Variants in EBF1 observed in about 807,000 individuals in gnomAD.
EBF1 encodes transcription factor COE1.
In EBF1, 10 loss-of-function variants were observed where a neutral mutation model predicts 68.4. The observed-to-expected ratio is 0.15, with a 90% CI of 0.09 to 0.25. The LOEUF is 0.25. Ranked by LOEUF, EBF1 falls within the 10% of genes least tolerant of loss-of-function variation. The pLI, the probability that EBF1 is intolerant of heterozygous loss-of-function variation, is 1.00. For synonymous variants in EBF1, 298 were observed against 299.8 expected (o/e 0.99, Z 0.06); for missense variants, 509 against 794.4 (o/e 0.64, Z 4.32).
At chr5:158,871,729 T>C (rs913255106) in intron 6 of EBF1, among the ~76,000 whole-genome samples, 1 of 152,168 alleles carries the variant, frequency 6.6e-6, no homozygotes, top group Non-Finnish European at 1.5e-5. Context: ...AGATAGAAGC[T>C]CAGATAGCTT....
chr5:158,845,749 A>G (rs1409205742), intron 6 of EBF1, among the ~76,000 whole-genome samples: 1 of 152,148 alleles, frequency 6.6e-6, no homozygotes, highest in Non-Finnish European at 1.5e-5. Flanking sequence ...AAGAAAGATA[A>G]TAATGACTAC....
chr5:159,098,222 T>G (rs553744113), intron 1 of EBF1, among the ~76,000 whole-genome samples: 2 of 152,294 alleles, frequency 1.3e-5, no homozygotes, highest in Non-Finnish European at 2.9e-5. Context: ...AGGCCATTTC[T>G]CACTTGGGAC....
intron 6 of EBF1, among the ~76,000 whole-genome samples, chr5:158,847,468 G>C (rs1230707808): frequency 1.3e-5 from 2 of 152,072 alleles, no homozygotes; most frequent in East Asian, 1.9e-4. Context: ...TAGAGCAAGG[G>C]GGCTGTAGCT....
At chr5:159,085,959 T>C (rs1382546755) in intron 4 of EBF1, among the ~76,000 whole-genome samples, 1 of 152,076 alleles carries the variant, frequency 6.6e-6, no homozygotes, top group Admixed American at 6.6e-5. Context: ...CGTTACAAAA[T>C]GAACATTGCA....
In EBF1 at chr5:159,075,394, C is replaced by A. The variant is rs138430632; in HGVS notation, c.486-1930G>T. 2.2e-3 allele frequency among the ~76,000 whole-genome samples: 337 copies of A among 152,280 alleles called. 1 individual carries two copies. Among genetic ancestry groups the A allele is most frequent in the Non-Finnish European group, 3.0e-3 (204 of 68,024 alleles). ...TCGACAGAGCCCACGTCTCCTTTACCCATGGAGGAAAACTGCCGGTTGAGA... is the reference window on the plus strand; with the variant it reads ...TCGACAGAGCCCACGTCTCCTTTACACATGGAGGAAAACTGCCGGTTGAGA... On this transcript the variant is annotated intron_variant, in intron 5 of 15. Coordinates refer to ENST00000313708, the MANE Select transcript of EBF1 (RefSeq NM_024007.5).
intron 6 of EBF1, among the ~76,000 whole-genome samples, chr5:158,896,869 T>C (rs906066578): frequency 2.7e-5 from 4 of 150,268 alleles, no homozygotes; most frequent in Non-Finnish European, 5.9e-5. Context: ...TGGTTGCCCC[T>C]ACCCCTGCCC....
intron 10 of EBF1, among the ~76,000 whole-genome samples, chr5:158,764,749 T>A (rs528106389): frequency 6.6e-6 from 1 of 152,202 alleles, no homozygotes; most frequent in East Asian, 1.9e-4. Flanking sequence ...CATAGAAAAC[T>A]AAAAAGTGGA....
chr5:159,018,467 C>T (rs1172212620), intron 6 of EBF1, among the ~76,000 whole-genome samples: 1 of 152,212 alleles, frequency 6.6e-6, no homozygotes, highest in African/African-American at 2.4e-5. Flanking sequence ...ACATTTTGGG[C>T]TCACTAGGAG....
intron 10 of EBF1, among the ~76,000 whole-genome samples, chr5:158,742,124 G>A (rs1013053754): frequency 6.6e-6 from 1 of 152,184 alleles, no homozygotes; most frequent in Non-Finnish European, 1.5e-5. Flanking sequence ...GCTCCTCAGA[G>A]CAGATCTCTA....
At chr5:158,833,504 G>A (rs1438902485) in intron 7 of EBF1, among the ~76,000 whole-genome samples, 1 of 152,120 alleles carries the variant, frequency 6.6e-6, no homozygotes, top group East Asian at 1.9e-4. Context: ...TGCACAGCTA[G>A]ACCATGCAAG....
intron 4 of EBF1, among the ~76,000 whole-genome samples, chr5:159,090,182 A>G (rs1781377978): frequency 6.6e-6 from 1 of 151,852 alleles, no homozygotes; most frequent in Non-Finnish European, 1.5e-5. Flanking sequence ...CACACCTACA[A>G]TATCAACACA....
intron 6 of EBF1, among the ~76,000 whole-genome samples, chr5:158,906,019 G>C (rs920051294): frequency 2.6e-5 from 4 of 152,030 alleles, no homozygotes; most frequent in African/African-American, 9.7e-5. Flanking sequence ...TTTCAATCAC[G>C]TATGCTTTTA....
At chr5:158,726,302 C>T (rs1335169841) in intron 11 of EBF1, among the ~76,000 whole-genome samples, 1 of 152,128 alleles carries the variant, frequency 6.6e-6, no homozygotes, top group Non-Finnish European at 1.5e-5. Context: ...GAAGTCAATT[C>T]TGTACTATAC....
intron 7 of EBF1, among the ~76,000 whole-genome samples, chr5:158,839,166 T>C (rs1339860138): frequency 6.6e-6 from 1 of 152,226 alleles, no homozygotes; most frequent in Non-Finnish European, 1.5e-5. Context: ...CTTTAGTAAA[T>C]GTATAATTAA....
chr5:158,902,930 C>T (rs1463132767), intron 6 of EBF1, among the ~76,000 whole-genome samples: 1 of 152,148 alleles, frequency 6.6e-6, no homozygotes, highest in Non-Finnish European at 1.5e-5. Flanking sequence ...AGCCAAAGGA[C>T]GGCTCTGGGG....
chr5:158,909,387 G>A (rs1389338564), intron 6 of EBF1, among the ~76,000 whole-genome samples: 6 of 152,040 alleles, frequency 3.9e-5, no homozygotes, highest in Non-Finnish European at 8.8e-5. Flanking sequence ...AAACAATAAG[G>A]GCTTATGTTT....
At chr5:158,873,418 A>T (rs1365496491) in intron 6 of EBF1, among the ~76,000 whole-genome samples, 1 of 152,162 alleles carries the variant, frequency 6.6e-6, no homozygotes, top group Admixed American at 6.5e-5. Context: ...CTGAACTTCA[A>T]TCACTCATAA....
At chr5:159,007,334 A>T (rs1181406564) in intron 6 of EBF1, among the ~76,000 whole-genome samples, 1 of 152,202 alleles carries the variant, frequency 6.6e-6, no homozygotes, top group Admixed American at 6.5e-5. Flanking sequence ...AAAAAAATAA[A>T]CATGCTTGAG....
At chr5:158,934,304 T>TCATACA (rs138151780) in intron 6 of EBF1, among the ~76,000 whole-genome samples, 16 of 152,302 alleles carry the variant, frequency 1.1e-4, no homozygotes, top group African/African-American at 1.9e-4. Context: ...ACAGTGCACT[T>TCATACA]CATACACATA....
Sources: allele counts gnomAD v4.1 joint callset (sites outside exome capture counted in the v4.1 genomes callset), GRCh38; gene constraint gnomAD v4.1.1; transcripts MANE v1.5; gene names NCBI Gene and HGNC (gene_info 2026-07-23, HGNC 2026-07-21).